Variants in BRD3 observed in about 807,000 individuals in gnomAD.
BRD3 encodes the protein bromodomain-containing protein 3.
BRD3 carries 17 observed loss-of-function variants against 66.8 expected under a neutral mutation model. The ratio of observed to expected loss-of-function variants is 0.25; its 90% CI spans 0.17 to 0.38. The LOEUF (loss-of-function observed/expected upper bound fraction) is 0.38. Ranked by LOEUF, BRD3 falls within the 10% of genes least tolerant of loss-of-function variation. The pLI is 1.00. For synonymous variants in BRD3, 421 were observed against 393.2 expected, an observed-to-expected ratio of 1.07 and a Z score of -0.84; for missense variants, 713 against 956.1, an observed-to-expected ratio of 0.75 and a Z score of 3.35.
chr9:134,051,871 GTGTGTGTTGTTTTTTTTGTTTT>G (rs1316561820), intron 3 of BRD3, among the ~76,000 whole-genome samples, 162 bp from the exon 4 acceptor site: 3 of 110,506 alleles, frequency 2.7e-5, no homozygotes, highest in African/African-American at 1.3e-4. Flanking sequence ...GTGTGTGTGT[GTGTGTGTTGTTTTTTTTGTTTT>G]TTTTTTTTTT....
chr9:134,036,444 A>G (rs1319329002), intron 9 of BRD3, 120 bp from the exon 10 acceptor site: 1 of 1,577,580 alleles, frequency 6.3e-7, no homozygotes, highest in Non-Finnish European at 8.6e-7. Flanking sequence ...TTTCTTCCCA[A>G]AGTGGTGCCC....
rs556392922 is a variant in BRD3 at position 134,047,465 on chromosome 9, C to CCCA, written c.1086+615_1086+617dup. Among the ~76,000 whole-genome samples, 3 of 152,310 alleles carry CCCA rather than the reference C, an allele frequency of 2.0e-5. No individual in the cohort carries two copies. The East Asian group carries it at 5.8e-4, about 30-fold the overall frequency. ...GGGGCGGTGCAGCTCAAATGCCGCA[C>CCCA]CCACCACCACCCCCCATAGGGACCA... On this transcript the variant is annotated intron_variant, in intron 6 of 11. Transcript: ENST00000303407.
Position 134,032,979 on chromosome 9 carries a change from G to C in BRD3, c.*611C>G. The C allele has an allele frequency of 2.5e-6, 1 of 394,760 alleles. No individual in the cohort carries two copies. The allele number at this position is 394,760 out of a possible 1,614,324, so 24.5% of individuals were successfully genotyped here. A position where few individuals can be genotyped will look rare whatever the true frequency, so the allele number is the denominator to read the frequency against. Reference sequence around the variant, plus strand: ...AGCTCCTGACATCACCACGAGCGGAGAACGCACATCCCACCCGACCACCCC... The same window carrying C: ...AGCTCCTGACATCACCACGAGCGGACAACGCACATCCCACCCGACCACCCC... On this transcript the variant is annotated 3_prime_UTR_variant, in exon 12 of 12. Coordinates refer to ENST00000303407, the MANE Select transcript of BRD3 (RefSeq NM_007371.4).
chr9:134,033,287 G>C lies in BRD3; in HGVS notation c.*303C>G, dbSNP rs1386180416. ...GCAAAGGGATTCCACAAGGTTCTTC[G>C]GTACGAATCTCACACGGTTTTCTGG... On this transcript the variant is annotated 3_prime_UTR_variant, in exon 12 of 12. Transcript: ENST00000303407. This position sits in a 1 kb window ranked among gnomAD's most constrained non-coding sequence, Gnocchi z 5.1. 4.7e-6 allele frequency: 2 copies of C among 424,346 alleles called. No homozygotes were observed. Among genetic ancestry groups the C allele is most frequent in the Non-Finnish European group, 8.3e-6 (2 of 241,250 alleles). 26.3% of individuals were successfully genotyped at this position (424,346 alleles called of 1,614,324 possible).
At chr9:134,059,973 C>T (rs1474436290) in intron 1 of BRD3, among the ~76,000 whole-genome samples, 1 of 152,184 alleles carries the variant, frequency 6.6e-6, no homozygotes, top group Non-Finnish European at 1.5e-5. Flanking sequence ...CTGCTGCTCT[C>T]CCCTGGGCAC....
At chr9:134,037,372 G>C (rs1829947329) in intron 9 of BRD3, among the ~76,000 whole-genome samples, 1 of 152,158 alleles carries the variant, frequency 6.6e-6, no homozygotes, top group African/African-American at 2.4e-5. Flanking sequence ...AGGAGTTCAA[G>C]ACTAGCCTGG....
At chr9:134,065,056 G>C (rs915771742) in intron 1 of BRD3, among the ~76,000 whole-genome samples, 9 of 152,198 alleles carry the variant, frequency 5.9e-5, no homozygotes, top group Non-Finnish European at 1.0e-4. Context: ...AACCTTTTAC[G>C]GCAAGAAGCC....
intron 1 of BRD3, among the ~76,000 whole-genome samples, chr9:134,055,449 G>A (rs1324000843): frequency 3.3e-5 from 5 of 152,162 alleles, no homozygotes; most frequent in Non-Finnish European, 5.9e-5. Context: ...AGGCCTCCAG[G>A]TAGCTCCCAG....
chr9:134,062,416 T>C (rs1286022335), intron 1 of BRD3, among the ~76,000 whole-genome samples: 1 of 151,988 alleles, frequency 6.6e-6, no homozygotes, highest in Non-Finnish European at 1.5e-5. Flanking sequence ...CACCCCACAG[T>C]TCTCCCCACT....
intron 1 of BRD3, among the ~76,000 whole-genome samples, chr9:134,067,691 G>GGAGGA (rs1035204461): frequency 4.1e-5 from 6 of 145,994 alleles, no homozygotes; most frequent in African/African-American, 1.5e-4. Flanking sequence ...AGCGGGAGCG[G>GGAGGA]GAGGAGGGGA....
At chr9:134,055,488 G>A (rs1830400296) in intron 1 of BRD3, among the ~76,000 whole-genome samples, 1 of 152,208 alleles carries the variant, frequency 6.6e-6, no homozygotes, top group Non-Finnish European at 1.5e-5. Flanking sequence ...CCCCCAGGCA[G>A]CACAGACACT....
intron 1 of BRD3, among the ~76,000 whole-genome samples, chr9:134,061,700 A>G (rs964665521): frequency 1.3e-5 from 2 of 152,292 alleles, no homozygotes; most frequent in Non-Finnish European, 1.5e-5. Flanking sequence ...CCCATCTTCC[A>G]TAAGTGGAGG....
At chr9:134,067,796 G>A (rs1424686776) in intron 1 of BRD3, 149 bp downstream of exon 1, 2 of 144,772 alleles carry the variant, frequency 1.4e-5, no homozygotes, top group Non-Finnish European at 1.5e-5. Context: ...GGCGGCGGCG[G>A]CGGCGGCGGC....
chr9:134,060,348 G>A (rs1830511308), intron 1 of BRD3, among the ~76,000 whole-genome samples: 1 of 152,162 alleles, frequency 6.6e-6, no homozygotes, highest in Non-Finnish European at 1.5e-5. Flanking sequence ...TGTGACCCCA[G>A]CACCTTGGGA....
At position 134,053,469 on chromosome 9, in the gene BRD3, G is replaced by A. The variant is rs199612428; in HGVS notation, c.9C>T (p.Thr3=). 1.6e-4 allele frequency: 251 copies of A among 1,598,434 alleles called. 2 individuals carry two copies. Among genetic ancestry groups the A allele is most frequent in the Non-Finnish European group, 1.8e-4 (211 of 1,174,898 alleles). ...TCCCCGCGGGGGCGACTGTCGTGGCGGTGGACATCCTCCGGCAGCTCACTC... is the reference window on the plus strand; with the variant it reads ...TCCCCGCGGGGGCGACTGTCGTGGCAGTGGACATCCTCCGGCAGCTCACTC... MS[T]ATTVAPAGIP... is the part of the protein sequence containing the mutation. Residue 3 remains threonine, a synonymous_variant, in exon 2 of 12, where the codon ACC becomes ACT. Transcript: ENST00000303407.
chr9:134,059,702 A>G (rs1830498249), intron 1 of BRD3, among the ~76,000 whole-genome samples: 1 of 152,188 alleles, frequency 6.6e-6, no homozygotes, highest in Admixed American at 6.5e-5. Context: ...GTCTGTGAGC[A>G]TGTACAGTGC....
At position 134,045,425 on chromosome 9, in the gene BRD3, C is replaced by T; in HGVS notation, c.1087-4G>A. The T allele has an allele frequency of 6.2e-7, 1 of 1,613,394 alleles. No homozygotes were observed. The highest frequency in any genetic ancestry group is 8.5e-7 in the Non-Finnish European group (1 of 1,179,962). On this transcript the variant is annotated splice_polypyrimidine_tract_variant and splice_region_variant and intron_variant, in intron 6 of 11. Transcript: ENST00000303407. This position sits in a 1 kb window ranked among gnomAD's most constrained non-coding sequence, Gnocchi z 4.8. ...ACTCTCGGCCATCCATCTTCCTCTGCAACACACAGTGACAGGGGCCAGTGA... is the reference window on the plus strand; with the variant it reads ...ACTCTCGGCCATCCATCTTCCTCTGTAACACACAGTGACAGGGGCCAGTGA...
Position 134,053,558 on chromosome 9 carries a change from G to A in BRD3, c.-81C>T, listed in dbSNP as rs200148089. ...GCTTCTACGCTCCCTGAGAAAGCGC[G>A]ACGTCCCATTTCCGGGCCCAACCAG... On this transcript the variant is annotated 5_prime_UTR_variant, in exon 2 of 12. Transcript: ENST00000303407. 6.9e-6 allele frequency: 10 copies of A among 1,454,046 alleles called. No homozygotes were observed. The highest frequency in any genetic ancestry group is 2.5e-5 in the East Asian group (1 of 40,292). 90.1% of individuals were successfully genotyped at this position (1,454,046 alleles called of 1,614,324 possible).
intron 6 of BRD3, among the ~76,000 whole-genome samples, chr9:134,046,284 A>G (rs1830161984): frequency 6.6e-6 from 1 of 152,202 alleles, no homozygotes; most frequent in African/African-American, 2.4e-5. Context: ...AGTTGGGGCA[A>G]AGAGAGGTCA....
Sources: allele counts gnomAD v4.1 joint callset (sites outside exome capture counted in the v4.1 genomes callset), GRCh38; gene constraint gnomAD v4.1.1; non-coding constraint Gnocchi (gnomAD v3.1); transcripts MANE v1.5; gene names NCBI Gene and HGNC (gene_info 2026-07-23, HGNC 2026-07-21).